AFF4: variants seen among roughly 807,000 people sequenced by gnomAD.
AFF4 encodes the protein AF4/FMR2 family member 4.
AFF4 carries 13 observed loss-of-function variants against 124.8 expected under a neutral mutation model. The ratio of observed to expected loss-of-function variants is 0.10; its 90% CI spans 0.07 to 0.17. AFF4 has a LOEUF of 0.17. Ranked by LOEUF, AFF4 falls within the 10% of genes least tolerant of loss-of-function variation. AFF4 has a pLI of 1.00. For missense variants in AFF4, 1,092 were observed against 1,403.8 expected, an observed-to-expected ratio of 0.78 and a Z score of 3.55; for synonymous variants, 477 against 496.1, an observed-to-expected ratio of 0.96 and a Z score of 0.51.
intron 5 of AFF4, among the ~76,000 whole-genome samples, chr5:132,904,665 G>A (rs1287780853): frequency 6.6e-6 from 1 of 152,088 alleles, no homozygotes; most frequent in East Asian, 1.9e-4. Context: ...CTTATTTAGA[G>A]CCCTTTATAA....
chr5:132,892,083 T>G, intron 13 of AFF4, 81 bp downstream of exon 13: 1 of 1,598,790 alleles, frequency 6.3e-7, no homozygotes, highest in Non-Finnish European at 8.6e-7. Flanking sequence ...GTTACAATAA[T>G]TTCAAAGCAC....
chr5:132,932,131 G>C, intron 4 of AFF4, 47 bp downstream of exon 4: 1 of 1,411,240 alleles, frequency 7.1e-7, no homozygotes, highest in East Asian at 2.4e-5. Context: ...AGGTGGCAGA[G>C]CATAAAAAAT....
At chr5:132,912,157 G>A (rs1053128260) in intron 5 of AFF4, among the ~76,000 whole-genome samples, 10 of 136,360 alleles carry the variant, frequency 7.3e-5, no homozygotes, top group African/African-American at 2.8e-4. Context: ...GTTCGAGATT[G>A]TCTCTACTAA....
intron 3 of AFF4, 28 bp from the exon 4 acceptor site, chr5:132,932,250 A>G (rs950099278): frequency 6.3e-7 from 1 of 1,588,386 alleles, no homozygotes; most frequent in African/African-American, 1.4e-5. Context: ...CACACATTAG[A>G]TTTTTATCAG....
At chr5:132,921,126 CAAA>C (rs57115662) in intron 5 of AFF4, among the ~76,000 whole-genome samples, 13 of 87,588 alleles carry the variant, frequency 1.5e-4, no homozygotes, top group Admixed American at 2.2e-4. Flanking sequence ...GACTCTGTCA[CAAA>C]AAAAAAAAAA....
intron 1 of AFF4, among the ~76,000 whole-genome samples, chr5:132,948,901 C>A (rs905489378): frequency 6.6e-6 from 1 of 152,044 alleles, no homozygotes; most frequent in Non-Finnish European, 1.5e-5. Flanking sequence ...TTTTCCTTGA[C>A]CTTATTTACA....
At position 132,904,365 on chromosome 5, in the gene AFF4, C is replaced by T; in HGVS notation, c.1087+3G>A. On this transcript the variant is annotated splice_donor_region_variant and intron_variant, in intron 6 of 20. Coordinates refer to ENST00000265343, the MANE Select transcript of AFF4 (RefSeq NM_014423.4). ...GAAAACAAAGAGGGAAAGAAATACT[C>T]ACTTTGTTCTCCAGTGCCAAAATTG... 5.0e-6 allele frequency: 8 copies of T among 1,610,212 alleles called. No individual in the cohort carries two copies. The highest frequency in any genetic ancestry group is 6.8e-6 in the Non-Finnish European group (8 of 1,177,946).
At chr5:132,888,629 G>A (rs890508151) in intron 14 of AFF4, among the ~76,000 whole-genome samples, 53 of 152,086 alleles carry the variant, frequency 3.5e-4, no homozygotes, top group African/African-American at 1.1e-3. Context: ...TGGACTAGTG[G>A]GTACTTTTCA....
chr5:132,898,434 C>A, intron 9 of AFF4, 42 bp from the exon 10 acceptor site: 1 of 1,572,646 alleles, frequency 6.4e-7, no homozygotes, highest in South Asian at 1.2e-5. Context: ...GTTTATTTTA[C>A]ATTGACAACA....
chr5:132,916,032 A>G (rs1581300103), intron 5 of AFF4, among the ~76,000 whole-genome samples: 2 of 151,824 alleles, frequency 1.3e-5, no homozygotes, highest in Non-Finnish European at 2.9e-5. Context: ...AGGCAGGTGG[A>G]TCACGAGTTC....
intron 1 of AFF4, among the ~76,000 whole-genome samples, chr5:132,951,699 T>C (rs918211759): frequency 6.6e-6 from 1 of 152,184 alleles, no homozygotes. Context: ...GGCTAATTTT[T>C]GTATTTTCAG....
intron 1 of AFF4, among the ~76,000 whole-genome samples, chr5:132,962,582 G>A (rs1317821343): frequency 2.6e-5 from 4 of 152,116 alleles, no homozygotes; most frequent in Non-Finnish European, 5.9e-5. Flanking sequence ...GGAAGGAACA[G>A]CAAAGTAGAA....
At chr5:132,921,812 T>C (rs1181144438) in intron 5 of AFF4, among the ~76,000 whole-genome samples, 1 of 151,778 alleles carries the variant, frequency 6.6e-6, no homozygotes, top group Non-Finnish European at 1.5e-5. Context: ...AGAGAGTCAG[T>C]CTCTGTGACC....
intron 4 of AFF4, chr5:132,927,702 A>C (rs1402543281): frequency 6.5e-6 from 1 of 153,376 alleles, no homozygotes; most frequent in African/African-American, 2.4e-5. Context: ...CACAAAAGTT[A>C]TTTATTCAAG....
chr5:132,904,345 C>T (rs765947322), intron 6 of AFF4, 23 bp downstream of exon 6: 4 of 1,603,058 alleles, frequency 2.5e-6, no homozygotes, highest in Admixed American at 3.4e-5. Flanking sequence ...AATTTGAAAA[C>T]AAAGAGGGAA....
rs567531238 is a variant in AFF4 at position 132,941,493 on chromosome 5, C to G, written c.-4-4300G>C. Among the ~76,000 whole-genome samples the G allele has an allele frequency of 6.0e-4, 92 of 152,196 alleles. 1 individual carries two copies. The highest frequency in any genetic ancestry group is 2.1e-3 in the African/African-American group (89 of 41,546). On this transcript the variant is annotated intron_variant, in intron 1 of 20. Coordinates refer to ENST00000265343, the MANE Select transcript of AFF4 (RefSeq NM_014423.4). Reference sequence around the variant, plus strand: ...GAATTACAGGCACACACCACCACACCTGGCTAACTTTTTTTGTATTTTTGT... The same window carrying G: ...GAATTACAGGCACACACCACCACACGTGGCTAACTTTTTTTGTATTTTTGT...
intron 1 of AFF4, among the ~76,000 whole-genome samples, chr5:132,949,847 C>CAAA (rs113489900): frequency 9.0e-5 from 9 of 100,198 alleles, no homozygotes; most frequent in African/African-American, 3.0e-4. Flanking sequence ...GACTCTGTCT[C>CAAA]AAAAAAAAAA....
Position 132,880,706 on chromosome 5 carries a change from A to C in AFF4, c.*353T>G, listed in dbSNP as rs1759952694. ...CAGAGTAAATTTATAGGCAGAAATA[A>C]CTAAGTCTTAAACTAGCCCCAATCT... On this transcript the variant is annotated 3_prime_UTR_variant, in exon 21 of 21. Coordinates refer to ENST00000265343, the MANE Select transcript of AFF4 (RefSeq NM_014423.4). 1 of 290,888 alleles carries C rather than the reference A, an allele frequency of 3.4e-6. No homozygotes were observed. The highest frequency in any genetic ancestry group is 5.0e-5 in the Admixed American group (1 of 19,830). 18.0% of individuals were successfully genotyped at this position (290,888 alleles called of 1,614,324 possible). A position where few individuals can be genotyped will look rare whatever the true frequency, so the allele number is the denominator to read the frequency against.
At chr5:132,909,214 C>T (rs1239347977) in intron 5 of AFF4, among the ~76,000 whole-genome samples, 2 of 144,378 alleles carry the variant, frequency 1.4e-5, no homozygotes, top group African/African-American at 5.2e-5. Context: ...GGCATGATCT[C>T]TGCTCACTGC....
Sources: allele counts gnomAD v4.1 joint callset (sites outside exome capture counted in the v4.1 genomes callset), GRCh38; gene constraint gnomAD v4.1.1; transcripts MANE v1.5; gene names NCBI Gene and HGNC (gene_info 2026-07-23, HGNC 2026-07-21).